ADGRL3: variants seen among roughly 807,000 people sequenced by gnomAD.
ADGRL3 encodes calcium-independent alpha-latrotoxin receptor 3.
Under a neutral mutation model 153.5 loss-of-function variants are expected in ADGRL3, and 62 were observed. The observed-to-expected ratio is 0.40, with a 90% confidence interval of 0.33 to 0.50. The LOEUF is 0.50. Ranked by LOEUF, ADGRL3 falls within the 20% of genes least tolerant of loss-of-function variation. ADGRL3 has a pLI of 0.47. For synonymous variants in ADGRL3, 710 were observed against 672.5 expected, an observed-to-expected ratio of 1.06 and a Z score of -0.86; for missense variants, 1,641 against 1,859.4, an observed-to-expected ratio of 0.88 and a Z score of 2.16.
intron 1 of ADGRL3, among the ~76,000 whole-genome samples, chr4:61,343,301 G>A (rs531716941): frequency 2.6e-5 from 4 of 152,200 alleles, no homozygotes; most frequent in South Asian, 2.1e-4. Context: ...CTTCCAACTC[G>A]CTTTCTCAGA....
chr4:61,500,202 A>G (rs2098371284), intron 3 of ADGRL3, among the ~76,000 whole-genome samples: 2 of 152,326 alleles, frequency 1.3e-5, no homozygotes, highest in South Asian at 4.1e-4. Flanking sequence ...GGACTATTCA[A>G]TATTATCTTG....
chr4:61,509,276 C>T (rs960492807), intron 3 of ADGRL3, among the ~76,000 whole-genome samples: 33 of 152,044 alleles, frequency 2.2e-4, no homozygotes, highest in African/African-American at 7.5e-4. Context: ...TATAGGCACC[C>T]GCCACCACTC....
At chr4:61,686,930 T>C (rs988163525) in intron 6 of ADGRL3, among the ~76,000 whole-genome samples, 1 of 152,082 alleles carries the variant, frequency 6.6e-6, no homozygotes, top group African/African-American at 2.4e-5. Context: ...TCACTTAACA[T>C]AATGTCCTCC....
At chr4:61,781,525 A>T (rs1049669884) in intron 8 of ADGRL3, among the ~76,000 whole-genome samples, 3 of 152,080 alleles carry the variant, frequency 2.0e-5, no homozygotes, top group Non-Finnish European at 4.4e-5. Context: ...GTAGCCGGTT[A>T]TTCTGAAGAT....
At chr4:61,701,063 G>A (rs1394170786) in intron 6 of ADGRL3, among the ~76,000 whole-genome samples, 1 of 152,164 alleles carries the variant, frequency 6.6e-6, no homozygotes, top group East Asian at 1.9e-4. Context: ...TCATTTGTAT[G>A]AGGTACAATT....
intron 3 of ADGRL3, among the ~76,000 whole-genome samples, chr4:61,499,580 T>C (rs2098360992): frequency 6.6e-6 from 1 of 152,176 alleles, no homozygotes. Context: ...GTACAGTGCA[T>C]AGAAAATATT....
In ADGRL3 at chr4:61,758,807, G is replaced by T. The variant is rs2096871727; in HGVS notation, c.1399+25253G>T. 2.6e-5 allele frequency among the ~76,000 whole-genome samples: 4 copies of T among 152,210 alleles called. No individual in the cohort carries two copies. The South Asian group carries it at 8.3e-4, about 32-fold the overall frequency. ...CTTTACAATTTGGCATGATTTTGCA[G>T]TGGCTGGAACCGCTTGTTCCTTTCC... is the stretch of plus-strand genomic sequence containing the variant. On this transcript the variant is annotated intron_variant, in intron 8 of 26. Coordinates refer to ENST00000683033, the MANE Select transcript of ADGRL3 (RefSeq NM_001387552.1).
At chr4:61,893,977 C>T (rs1303533168) in intron 10 of ADGRL3, among the ~76,000 whole-genome samples, 1 of 152,116 alleles carries the variant, frequency 6.6e-6, no homozygotes, top group African/African-American at 2.4e-5. Context: ...TCCCAAAGTT[C>T]TGGGAGTACA....
At chr4:61,463,389 C>T (rs964540134) in intron 2 of ADGRL3, among the ~76,000 whole-genome samples, 16 of 152,126 alleles carry the variant, frequency 1.1e-4, no homozygotes, top group African/African-American at 3.9e-4. Flanking sequence ...AGCACATCTT[C>T]ACATGGCAAA....
intron 15 of ADGRL3, among the ~76,000 whole-genome samples, chr4:61,939,563 G>A (rs994517276): frequency 4.0e-5 from 6 of 150,518 alleles, no homozygotes; most frequent in South Asian, 2.1e-4. Flanking sequence ...TCCACCTCCC[G>A]GATTCAAGTG....
intron 4 of ADGRL3, among the ~76,000 whole-genome samples, chr4:61,544,263 T>G (rs2148683417): frequency 6.6e-6 from 1 of 152,334 alleles, no homozygotes; most frequent in African/African-American, 2.4e-5. Context: ...TGATATTTTT[T>G]ATATACCTGA....
intron 17 of ADGRL3, among the ~76,000 whole-genome samples, chr4:61,972,916 A>G (rs7672853): frequency 0.86 from 130,187 of 151,888 alleles, 56,797 homozygotes; most frequent in Non-Finnish European, 0.94. Flanking sequence ...CAGGTTCTTG[A>G]TAATTATTGG....
intron 3 of ADGRL3, among the ~76,000 whole-genome samples, chr4:61,515,078 A>G (rs1221738022): frequency 6.6e-6 from 1 of 152,124 alleles, no homozygotes; most frequent in Non-Finnish European, 1.5e-5. Flanking sequence ...TAATTATCCT[A>G]AACAGATTGT....
intron 4 of ADGRL3, among the ~76,000 whole-genome samples, chr4:61,586,735 GA>G (rs532034633): frequency 1.2e-3 from 176 of 152,098 alleles, no homozygotes; most frequent in African/African-American, 4.1e-3. Flanking sequence ...GTTCTACAGT[GA>G]ACTCACAAAG....
chr4:61,342,054 A>G (rs1236348479), intron 1 of ADGRL3, among the ~76,000 whole-genome samples: 1 of 152,162 alleles, frequency 6.6e-6, no homozygotes, highest in Non-Finnish European at 1.5e-5. Context: ...TTTTAGAATT[A>G]TATATGAGTG....
chr4:61,902,080 C>T (rs906859896), intron 11 of ADGRL3, among the ~76,000 whole-genome samples: 4 of 152,092 alleles, frequency 2.6e-5, no homozygotes, highest in East Asian at 1.9e-4. Flanking sequence ...TTATAGTCTA[C>T]AATAACTGGA....
chr4:61,772,548 C>T (rs971117853), intron 8 of ADGRL3, among the ~76,000 whole-genome samples: 5 of 152,112 alleles, frequency 3.3e-5, no homozygotes, highest in Admixed American at 1.3e-4. Flanking sequence ...AATGGTTAAA[C>T]CTGAGTATTT....
rs1160626594 is a variant in ADGRL3 at position 61,346,896 on chromosome 4, C to T, written c.-239-36228C>T. On this transcript the variant is annotated intron_variant, in intron 1 of 26. Coordinates refer to ENST00000683033, the MANE Select transcript of ADGRL3 (RefSeq NM_001387552.1). Reference sequence around the variant, plus strand: ...AAAAAGGAATTTTAAAAATTAGTACCATTTTTAGAGGTCTTAATTATGAAA... The same window carrying T: ...AAAAAGGAATTTTAAAAATTAGTACTATTTTTAGAGGTCTTAATTATGAAA... 4.0e-5 allele frequency among the ~76,000 whole-genome samples: 6 copies of T among 151,562 alleles called. No individual in the cohort carries two copies. The South Asian group carries it at 1.0e-3, about 26-fold the overall frequency.
At chr4:61,370,623 A>G (rs896835399) in intron 1 of ADGRL3, among the ~76,000 whole-genome samples, 3 of 151,772 alleles carry the variant, frequency 2.0e-5, no homozygotes, top group African/African-American at 7.3e-5. Context: ...GTTCTTTTAC[A>G]TTTGCTGAGG....
Sources: allele counts gnomAD v4.1 joint callset (sites outside exome capture counted in the v4.1 genomes callset), GRCh38; gene constraint gnomAD v4.1.1; transcripts MANE v1.5; gene names NCBI Gene and HGNC (gene_info 2026-07-23, HGNC 2026-07-21).